Variants in GLMN observed in about 807,000 individuals in gnomAD.
GLMN encodes the protein glomulin, FKBP associated protein.
A neutral mutation model predicts 87.8 loss-of-function variants in GLMN; 75 were observed. The ratio of observed to expected loss-of-function variants is 0.85; its 90% CI spans 0.71 to 1.04. The LOEUF is 1.04. GLMN is among the 50% of genes least tolerant of loss of function. The pLI is 0.00. For synonymous variants in GLMN, 206 were observed against 221.6 expected, an observed-to-expected ratio of 0.93 and a Z score of 0.63; for missense variants, 588 against 658.8, an observed-to-expected ratio of 0.89 and a Z score of 1.18.
At chr1:92,353,804 T>C in the GLMN span, among the ~76,000 whole-genome samples, 1 of 152,196 alleles carries the variant, frequency 6.6e-6, no homozygotes, top group African/African-American at 2.4e-5. Flanking sequence ...AACATATCTT[T>C]AAATTGAAAT....
chr1:92,247,439 CA>C (rs1652839586), intron 17 of GLMN, among the ~76,000 whole-genome samples: 1 of 152,070 alleles, frequency 6.6e-6, no homozygotes, highest in Admixed American at 6.6e-5. Flanking sequence ...ATACTAAAAA[CA>C]AAATTTCCGG....
At chr1:92,279,318 G>A (rs2100975756) in intron 7 of GLMN, among the ~76,000 whole-genome samples, 1 of 152,072 alleles carries the variant, frequency 6.6e-6, no homozygotes. Flanking sequence ...TTAGCCAGGT[G>A]TGGTGGCGGG....
chr1:92,271,594 T>G lies in GLMN; in HGVS notation c.794A>C (p.Lys265Thr). 2 of 1,612,796 alleles carry G rather than the reference T, an allele frequency of 1.2e-6. No individual in the cohort carries two copies. Among genetic ancestry groups the G allele is most frequent in the Non-Finnish European group, 1.7e-6 (2 of 1,178,938 alleles). Residue 265 changes from lysine to threonine, a missense_variant, in exon 8 of 19, where the codon AAA becomes ACA. Transcript: ENST00000370360. ...FPKMIFNHGR[K>T]KRTWNYLEFE... Reference sequence around the variant, plus strand: ...TTCAAGGTAATTCCAAGTTCTCTTTTTCCTTCCATGATTAAAAATCATTTT... The same window carrying G: ...TTCAAGGTAATTCCAAGTTCTCTTTGTCCTTCCATGATTAAAAATCATTTT...
chr1:92,302,449 A>G (rs536534014), upstream of GLMN, among the ~76,000 whole-genome samples: 6 of 151,938 alleles, frequency 3.9e-5, no homozygotes, highest in East Asian at 9.7e-4. Flanking sequence ...CCAGTTTTCT[A>G]TATTCTGTGT....
chr1:92,366,998 G>A, the GLMN span, among the ~76,000 whole-genome samples: 1 of 152,220 alleles, frequency 6.6e-6, no homozygotes, highest in Admixed American at 6.5e-5. Context: ...TAAAATATGG[G>A]TAAGGTGACA....
intron 7 of GLMN, among the ~76,000 whole-genome samples, chr1:92,277,455 A>T (rs1388019389): frequency 2.0e-5 from 3 of 152,180 alleles, no homozygotes; most frequent in African/African-American, 7.2e-5. Flanking sequence ...TATTGAGTTG[A>T]CTGATAGCTG....
At chr1:92,313,921 C>T in the GLMN span, among the ~76,000 whole-genome samples, 1 of 152,202 alleles carries the variant, frequency 6.6e-6, no homozygotes, top group South Asian at 2.1e-4. Context: ...ATGAACCAAA[C>T]TTTGCTATCT....
At chr1:92,325,674 T>C in the GLMN span, among the ~76,000 whole-genome samples, 2 of 152,186 alleles carry the variant, frequency 1.3e-5, no homozygotes, top group African/African-American at 4.8e-5. Flanking sequence ...ATGTAATCAC[T>C]ACCCAAGCCA....
chr1:92,298,509 C>A (rs1019321801), intron 1 of GLMN, among the ~76,000 whole-genome samples: 1 of 152,174 alleles, frequency 6.6e-6, no homozygotes, highest in Non-Finnish European at 1.5e-5. Flanking sequence ...GGGTGCAACA[C>A]AAGCTTATCT....
At chr1:92,299,112 G>A (rs1352512518), upstream of GLMN, 5 of 1,522,740 alleles carry the variant, frequency 3.3e-6, no homozygotes, top group Non-Finnish European at 4.4e-6. Context: ...CCGGCCGCAA[G>A]GCCGGGGCTC....
chr1:92,264,996 C>T lies in GLMN; in HGVS notation c.1215-358G>A, dbSNP rs190634037. 8.6e-3 allele frequency among the ~76,000 whole-genome samples: 1,313 copies of T among 152,258 alleles called. 8 individuals are homozygous for T. The highest frequency in any genetic ancestry group is 0.014 in the Non-Finnish European group (972 of 68,010). ...AGCTGTGATTACAGGCGCCCGCCAC[C>T]GTGCCTGGCTAATTTTTTGTATTTG... On this transcript the variant is annotated intron_variant, in intron 13 of 18. Coordinates refer to ENST00000370360, the MANE Select transcript of GLMN (RefSeq NM_053274.3).
chr1:92,310,120 A>C, the GLMN span, among the ~76,000 whole-genome samples: 8 of 152,346 alleles, frequency 5.3e-5, no homozygotes, highest in African/African-American at 1.9e-4. Context: ...ATCTATATAT[A>C]TGCATCTGCC....
chr1:92,314,355 T>G, the GLMN span, among the ~76,000 whole-genome samples: 1 of 151,906 alleles, frequency 6.6e-6, no homozygotes, highest in Non-Finnish European at 1.5e-5. Flanking sequence ...TTTTGGGTTT[T>G]TTTTTTTTTG....
At chr1:92,369,819 T>A in the GLMN span, among the ~76,000 whole-genome samples, 2 of 152,018 alleles carry the variant, frequency 1.3e-5, no homozygotes, top group African/African-American at 4.8e-5. Flanking sequence ...AGGAAGCAGG[T>A]GTTTGGTAAG....
intron 2 of GLMN, 159 bp from the exon 3 acceptor site, chr1:92,297,688 C>A: frequency 4.4e-6 from 3 of 683,548 alleles, no homozygotes; most frequent in Non-Finnish European, 7.5e-6. Flanking sequence ...ATTAGGATTA[C>A]CCTAATAAAT....
At chr1:92,368,386 GA>G in the GLMN span, among the ~76,000 whole-genome samples, 3 of 151,838 alleles carry the variant, frequency 2.0e-5, no homozygotes, top group African/African-American at 7.3e-5. Context: ...CTCAAAAAAA[GA>G]AAAAAATCCA....
At chr1:92,295,130 C>A (rs1366041989) in intron 3 of GLMN, among the ~76,000 whole-genome samples, 1 of 152,224 alleles carries the variant, frequency 6.6e-6, no homozygotes, top group African/African-American at 2.4e-5. Flanking sequence ...AAAAATAAAA[C>A]GCTAAGGCAT....
At chr1:92,300,108 TTTAATC>T, upstream of GLMN, 1 of 879,898 alleles carries the variant, frequency 1.1e-6, no homozygotes, top group Non-Finnish European at 1.8e-6. Flanking sequence ...AATACAGTAT[TTTAATC>T]TTATGAGACC....
chr1:92,323,966 G>A, the GLMN span: 2 of 1,614,148 alleles, frequency 1.2e-6, no homozygotes, highest in Non-Finnish European at 1.7e-6. Context: ...CAAGTGTCTA[G>A]GTCAGTGTCT....
Sources: allele counts gnomAD v4.1 joint callset (sites outside exome capture counted in the v4.1 genomes callset), GRCh38; gene constraint gnomAD v4.1.1; transcripts MANE v1.5; gene names NCBI Gene and HGNC (gene_info 2026-07-23, HGNC 2026-07-21).